The following TUBGCP3 variants were observed in gnomAD, a reference collection of about 807,000 sequenced individuals.
TUBGCP3 encodes the protein gamma-tubulin complex component 3.
TUBGCP3 carries 50 observed loss-of-function variants against 123.1 expected under a neutral mutation model. The observed-to-expected ratio is 0.41, with a 90% CI of 0.32 to 0.51. TUBGCP3 has a LOEUF of 0.51. Among genes scored for constraint, TUBGCP3 ranks in the 20% least tolerant of loss-of-function variants. The pLI, the probability that TUBGCP3 is intolerant of heterozygous loss-of-function variation, is 0.36. For missense variants in TUBGCP3, 882 were observed against 1,127.0 expected (o/e 0.78, Z 3.11); for synonymous variants, 405 against 413.9 (o/e 0.98, Z 0.26).
intron 1 of TUBGCP3, among the ~76,000 whole-genome samples, chr13:112,573,271 G>T (rs1320635673): frequency 6.6e-6 from 1 of 151,366 alleles, no homozygotes; most frequent in Non-Finnish European, 1.5e-5. Context: ...AAAGTATGAA[G>T]GCAGATGTTT....
chr13:112,590,126 G>A (rs552153246), upstream of TUBGCP3, among the ~76,000 whole-genome samples: 56 of 152,006 alleles, frequency 3.7e-4, no homozygotes, highest in African/African-American at 1.2e-3. Flanking sequence ...ACAGGCACCC[G>A]CCACCATGCC....
chr13:112,588,120 A>G lies in TUBGCP3; in HGVS notation c.-140T>C. 1.5e-6 allele frequency: 1 copy of G among 659,250 alleles called. No homozygotes were observed. The highest frequency in any genetic ancestry group is 2.2e-6 in the Non-Finnish European group (1 of 449,562). 40.8% of individuals were successfully genotyped at this position (659,250 alleles called of 1,614,324 possible). Reference sequence around the variant, plus strand: ...TAAGGCGCGGGCGCCGCCGGCCACCAGGGCGCCATTTTAACGGAACCCGCC... The same window carrying G: ...TAAGGCGCGGGCGCCGCCGGCCACCGGGGCGCCATTTTAACGGAACCCGCC... On this transcript the variant is annotated 5_prime_UTR_variant, in exon 1 of 22. Coordinates refer to ENST00000261965, the MANE Select transcript of TUBGCP3 (RefSeq NM_006322.6).
At chr13:112,489,955 CAT>C in intron 20 of TUBGCP3, 1 of 508,778 alleles carries the variant, frequency 2.0e-6, no homozygotes, top group Non-Finnish European at 3.5e-6. Flanking sequence ...CATTGTATAA[CAT>C]GTAACAAGGT....
chr13:112,529,704 G>A (rs1032409958), intron 11 of TUBGCP3, among the ~76,000 whole-genome samples: 8 of 152,308 alleles, frequency 5.3e-5, no homozygotes, highest in African/African-American at 1.9e-4. Flanking sequence ...CTTTGAGGGA[G>A]AAATGGTACC....
At chr13:112,601,599 C>T in the TUBGCP3 span, among the ~76,000 whole-genome samples, 1 of 152,182 alleles carries the variant, frequency 6.6e-6, no homozygotes, top group Admixed American at 6.5e-5. Context: ...GGTCAGATCA[C>T]TCTCGAAGGT....
chr13:112,514,943 G>T (rs1875970905), intron 17 of TUBGCP3, among the ~76,000 whole-genome samples: 1 of 152,168 alleles, frequency 6.6e-6, no homozygotes, highest in Non-Finnish European at 1.5e-5. Context: ...GTAATATCGT[G>T]CTATTAAAAA....
the TUBGCP3 span, among the ~76,000 whole-genome samples, chr13:112,593,333 A>G: frequency 0.32 from 48,946 of 151,998 alleles, 8,509 homozygotes; most frequent in African/African-American, 0.44. Flanking sequence ...CAAGAGAATC[A>G]CTTGAACCCA....
At chr13:112,530,730 A>T (rs78711012) in intron 11 of TUBGCP3, among the ~76,000 whole-genome samples, 2,478 of 152,346 alleles carry the variant, frequency 0.016, 84 homozygotes, top group African/African-American at 0.056. Context: ...GTCAAAAAAA[A>T]ATTTAATGGC....
rs575183132 is a variant in TUBGCP3 at position 112,574,981 on chromosome 13, C to T, written c.77-5722G>A. Among the ~76,000 whole-genome samples the T allele has an allele frequency of 9.8e-5, 15 of 152,334 alleles. No homozygotes were observed. The East Asian group carries it at 2.1e-3, about 22-fold the overall frequency. On this transcript the variant is annotated intron_variant, in intron 1 of 21. Coordinates refer to ENST00000261965, the MANE Select transcript of TUBGCP3 (RefSeq NM_006322.6). Reference sequence around the variant, plus strand: ...AAGCACCACAGCTCTCCCAGCCCTGCGCCAGGCTACCAGCCCCTTCTACCT... The same window carrying T: ...AAGCACCACAGCTCTCCCAGCCCTGTGCCAGGCTACCAGCCCCTTCTACCT...
intron 1 of TUBGCP3, among the ~76,000 whole-genome samples, chr13:112,574,724 G>C (rs1020398540): frequency 1.3e-5 from 2 of 152,212 alleles, no homozygotes; most frequent in African/African-American, 4.8e-5. Context: ...ATCAGACTCT[G>C]AACAATGGGT....
chr13:112,488,540 A>C (rs553682396), intron 21 of TUBGCP3, among the ~76,000 whole-genome samples: 1 of 152,256 alleles, frequency 6.6e-6, no homozygotes, highest in South Asian at 2.1e-4. Context: ...GAAAAACCCA[A>C]ATGAAGGCTA....
chr13:112,538,566 T>A (rs1206767738), intron 11 of TUBGCP3, among the ~76,000 whole-genome samples: 1 of 152,232 alleles, frequency 6.6e-6, no homozygotes, highest in East Asian at 1.9e-4. Context: ...TCAAATCTGC[T>A]GTAGTGCCCC....
At chr13:112,530,766 G>A (rs534217081) in intron 11 of TUBGCP3, among the ~76,000 whole-genome samples, 3 of 152,102 alleles carry the variant, frequency 2.0e-5, no homozygotes, top group Admixed American at 6.5e-5. Context: ...TTATTTACTT[G>A]AACAAGTTGA....
intron 8 of TUBGCP3, among the ~76,000 whole-genome samples, chr13:112,550,237 C>T (rs765045830): frequency 6.6e-6 from 1 of 151,954 alleles, no homozygotes; most frequent in Non-Finnish European, 1.5e-5. Context: ...CAGCAAAACT[C>T]CATCAAAAAA....
At chr13:112,597,411 AG>A in the TUBGCP3 span, among the ~76,000 whole-genome samples, 1 of 152,370 alleles carries the variant, frequency 6.6e-6, no homozygotes, top group Non-Finnish European at 1.5e-5. Context: ...CTAGCCTCAA[AG>A]TACCTCTATA....
At chr13:112,595,749 C>A in the TUBGCP3 span, among the ~76,000 whole-genome samples, 1 of 151,854 alleles carries the variant, frequency 6.6e-6, no homozygotes, top group African/African-American at 2.4e-5. Context: ...TTTTTTAATG[C>A]TGCCTTCTAA....
At chr13:112,567,012 C>T (rs534286043) in intron 2 of TUBGCP3, among the ~76,000 whole-genome samples, 2 of 152,348 alleles carry the variant, frequency 1.3e-5, no homozygotes, top group South Asian at 2.1e-4. Flanking sequence ...CTATCAACAA[C>T]TGTAATCAAA....
rs533790500 is a variant in TUBGCP3, at chr13:112,498,787, A to G, written c.2448+258T>C. ...CGGCATTGTGGCACTCAGTAATGAA[A>G]ACGGGCAGGAGATTTGTAATTCTCA... is the stretch of plus-strand genomic sequence containing the variant. On this transcript the variant is annotated intron_variant, in intron 20 of 21. Transcript: ENST00000261965. The G allele has an allele frequency of 3.4e-5, 52 of 1,546,998 alleles. No individual in the cohort carries two copies. In the African/African-American group the frequency reaches 4.2e-4, roughly 13 times the overall value.
At chr13:112,487,718 G>A (rs1229485165) in intron 21 of TUBGCP3, among the ~76,000 whole-genome samples, 1 of 152,210 alleles carries the variant, frequency 6.6e-6, no homozygotes, top group East Asian at 1.9e-4. Flanking sequence ...TGACTGGCCA[G>A]TCACTACCCC....
Sources: allele counts gnomAD v4.1 joint callset (sites outside exome capture counted in the v4.1 genomes callset), GRCh38; gene constraint gnomAD v4.1.1; transcripts MANE v1.5; gene names NCBI Gene and HGNC (gene_info 2026-07-23, HGNC 2026-07-21).